The following SETD7 variants were observed in gnomAD, a reference collection of about 807,000 sequenced individuals.
The protein encoded by SETD7 is histone-lysine N-methyltransferase SETD7.
Under a neutral mutation model 41.8 loss-of-function variants are expected in SETD7, and 16 were observed. The observed-to-expected ratio is 0.38, with a 90% CI of 0.26 to 0.58. The LOEUF is 0.58. Ranked by LOEUF, SETD7 falls within the 20% of genes least tolerant of loss-of-function variation. SETD7 has a pLI of 0.64. For synonymous variants in SETD7, 163 were observed against 169.7 expected, an observed-to-expected ratio of 0.96 and a Z score of 0.31; for missense variants, 346 against 459.7, an observed-to-expected ratio of 0.75 and a Z score of 2.26.
rs1189849846 is a variant in SETD7, at chr4:139,508,379, C to T, written c.*3284G>A. On this transcript the variant is annotated 3_prime_UTR_variant, in exon 8 of 8. Transcript: ENST00000274031. ...ATAGGTACTACAAGACTCAAGAACT[C>T]CTCACTGCTTTCTTTTTGATCCCAT... is the stretch of plus-strand genomic sequence containing the variant. 1.3e-5 allele frequency: 2 copies of T among 152,190 alleles called. No homozygotes were observed. The highest frequency in any genetic ancestry group is 2.9e-5 in the Non-Finnish European group (2 of 68,034). The allele number at this position is 152,190 out of a possible 1,614,324, so 9.4% of individuals were successfully genotyped here.
chr4:139,555,493 C>A lies in SETD7; in HGVS notation c.40+605G>T, dbSNP rs140244407. On this transcript the variant is annotated intron_variant, in intron 1 of 7. Coordinates refer to ENST00000274031, the MANE Select transcript of SETD7 (RefSeq NM_030648.4). This position sits in a 1 kb window ranked among gnomAD's most constrained non-coding sequence, Gnocchi z 4.0. Reference sequence around the variant, plus strand: ...TCCCGGACGGCGCACGTTCGAGTCCCGGGTCGGGAGACTTGTCCGTCGCCC... The same window carrying A: ...TCCCGGACGGCGCACGTTCGAGTCCAGGGTCGGGAGACTTGTCCGTCGCCC... Among the ~76,000 whole-genome samples the A allele has an allele frequency of 0.015, 2,287 of 152,076 alleles. 65 individuals are homozygous for A. The highest frequency in any genetic ancestry group is 0.052 in the African/African-American group (2,158 of 41,484).
At position 139,520,282 on chromosome 4, in the gene SETD7, G is replaced by C; in HGVS notation, c.757C>G (p.Gln253Glu). The change falls in exon 6 of 8, where the codon CAA (glutamine) becomes GAA (glutamate). Residue 253 changes from glutamine to glutamate, a missense_variant. By Grantham distance (29) the Gln-to-Glu change is conservative. Coordinates refer to ENST00000274031, the MANE Select transcript of SETD7 (RefSeq NM_030648.4). ...CCACTGTCAGCCCCACTCACCTCTT[G>C]GTGTGTAATTCGAACTCCATTATAA... Reference protein sequence around the residue: ...SFYNGVRITHQEVDSRDWALN... With the variant: ...SFYNGVRITHEEVDSRDWALN... 1.3e-6 allele frequency: 2 copies of C among 1,555,110 alleles called. No individual in the cohort carries two copies. Among genetic ancestry groups the C allele is most frequent in the Non-Finnish European group, 1.8e-6 (2 of 1,138,464 alleles).
intron 2 of SETD7, among the ~76,000 whole-genome samples, chr4:139,533,952 T>A (rs909822873): frequency 6.6e-6 from 1 of 150,462 alleles, no homozygotes; most frequent in African/African-American, 2.5e-5. Context: ...TTTATTTAAG[T>A]ATATCTATAT....
intron 1 of SETD7, among the ~76,000 whole-genome samples, chr4:139,549,973 T>G (rs1478690949): frequency 2.0e-5 from 3 of 151,818 alleles, no homozygotes; most frequent in African/African-American, 7.3e-5. Context: ...AGAGATGAGG[T>G]TTCACTATAT....
At chr4:139,527,604 G>A (rs1653930872) in intron 4 of SETD7, among the ~76,000 whole-genome samples, 1 of 152,016 alleles carries the variant, frequency 6.6e-6, no homozygotes, top group Non-Finnish European at 1.5e-5. Context: ...ATAATCTTAT[G>A]GTACCACAGT....
chr4:139,514,487 A>G (rs1369457266), intron 7 of SETD7, among the ~76,000 whole-genome samples: 1 of 151,638 alleles, frequency 6.6e-6, no homozygotes, highest in East Asian at 1.9e-4. Flanking sequence ...GATAAGGGAC[A>G]GACTGAAAAG....
rs2111185669 is a variant in SETD7, at chr4:139,556,094, G to A, written c.40+4C>T. 6.2e-7 allele frequency: 1 copy of A among 1,601,294 alleles called. No homozygotes were observed. ...CTCCCCCGGCCCCGGAGAAATGCTT[G>A]TACCTTCCACCGCCTCCTCCACCAT... is the stretch of plus-strand genomic sequence containing the variant. On this transcript the variant is annotated splice_donor_region_variant and intron_variant, in intron 1 of 7. Transcript: ENST00000274031.
chr4:139,517,475 CAAAAAAAAA>C (rs56132171), intron 7 of SETD7, among the ~76,000 whole-genome samples: 1 of 134,046 alleles, frequency 7.5e-6, no homozygotes, highest in African/African-American at 3.1e-5. Context: ...AAATCCATCT[CAAAAAAAAA>C]AAAAAAAAAA....
At chr4:139,516,090 T>C (rs1727017154) in intron 7 of SETD7, among the ~76,000 whole-genome samples, 1 of 152,092 alleles carries the variant, frequency 6.6e-6, no homozygotes, top group Admixed American at 6.5e-5. Context: ...AAAGAGAGTC[T>C]GACATGGGAC....
intron 2 of SETD7, among the ~76,000 whole-genome samples, chr4:139,535,141 A>G (rs764212905): frequency 2.8e-4 from 43 of 152,176 alleles, no homozygotes; most frequent in Non-Finnish European, 5.6e-4. Context: ...TAAAAAAAAA[A>G]TCATTGGTGA....
downstream of SETD7, among the ~76,000 whole-genome samples, chr4:139,504,840 C>A (rs778778708): frequency 3.7e-4 from 56 of 152,162 alleles, no homozygotes; most frequent in Non-Finnish European, 7.2e-4. Context: ...GAAAGTTGCC[C>A]AATCTTTCAC....
downstream of SETD7, among the ~76,000 whole-genome samples, chr4:139,502,447 T>G (rs1363286761): frequency 6.6e-6 from 1 of 152,154 alleles, no homozygotes; most frequent in East Asian, 1.9e-4. Context: ...GGGCAGAGCC[T>G]GTGGCTCTCT....
intron 2 of SETD7, among the ~76,000 whole-genome samples, chr4:139,536,855 T>G (rs527589154): frequency 6.6e-6 from 1 of 152,036 alleles, no homozygotes; most frequent in East Asian, 1.9e-4. Context: ...ATACAAAAAT[T>G]AGCCGGACAT....
intron 1 of SETD7, among the ~76,000 whole-genome samples, chr4:139,554,319 G>T (rs756625979): frequency 6.6e-6 from 1 of 152,246 alleles, no homozygotes; most frequent in Non-Finnish European, 1.5e-5. Flanking sequence ...GTCACAGTCT[G>T]CAAAGGAGCC....
At chr4:139,549,252 A>T (rs1360737041) in intron 1 of SETD7, among the ~76,000 whole-genome samples, 1 of 152,214 alleles carries the variant, frequency 6.6e-6, no homozygotes, top group Non-Finnish European at 1.5e-5. Flanking sequence ...TGTTTGATAA[A>T]ATGTGTTATT....
intron 2 of SETD7, among the ~76,000 whole-genome samples, chr4:139,539,649 C>A (rs1727731340): frequency 6.6e-6 from 1 of 152,044 alleles, no homozygotes; most frequent in African/African-American, 2.4e-5. Flanking sequence ...AAAAACAAAC[C>A]TCAAGAAAAC....
At chr4:139,493,602 C>G (rs1726397910), downstream of SETD7, among the ~76,000 whole-genome samples, 1 of 151,362 alleles carries the variant, frequency 6.6e-6, no homozygotes, top group Non-Finnish European at 1.5e-5. Context: ...TGCAGTGGCA[C>G]AATCCCAGCT....
At chr4:139,496,335 A>C in exon 8 of SETD7, 1 of 700,818 alleles carries the variant, frequency 1.4e-6, no homozygotes, top group Non-Finnish European at 2.6e-6. Flanking sequence ...AGTTCATTCC[A>C]TTCGCTTTTA....
rs527602955 is a variant in SETD7 at position 139,506,437 on chromosome 4, G to A, written c.*5226C>T. The A allele has an allele frequency of 2.0e-5, 3 of 152,586 alleles. No individual in the cohort carries two copies. The East Asian group carries it at 5.8e-4, about 29-fold the overall frequency. 9.5% of individuals were successfully genotyped at this position (152,586 alleles called of 1,614,324 possible). On this transcript the variant is annotated 3_prime_UTR_variant, in exon 8 of 8. Coordinates refer to ENST00000274031, the MANE Select transcript of SETD7 (RefSeq NM_030648.4). The stretch of plus-strand genomic sequence containing the variant: ...TCACAACCTAATAAATGTATTTCAG[G>A]ATAAAGAGAGAACATAGAACACCCA...
Sources: gnomAD v4.1 joint callset for allele counts (sites outside exome capture counted in the v4.1 genomes callset) on GRCh38, gnomAD v4.1.1 for gene constraint, Gnocchi (gnomAD v3.1) non-coding constraint, MANE v1.5 for transcripts, NCBI Gene and HGNC (gene_info 2026-07-23, HGNC 2026-07-21) for gene names.